Variants in MYO6 observed in about 807,000 individuals in gnomAD.
MYO6 encodes unconventional myosin-VI.
Under a neutral mutation model 178.7 loss-of-function variants are expected in MYO6, and 74 were observed. The observed-to-expected ratio is 0.41, with a 90% CI of 0.34 to 0.50. The LOEUF (loss-of-function observed/expected upper bound fraction) is 0.50, where lower values mean the gene tolerates loss of function less well. Among genes scored for constraint, MYO6 ranks in the 20% least tolerant of loss-of-function variants. The pLI is 0.09. For missense variants in MYO6, 1,330 were observed against 1,547.4 expected (o/e 0.86, Z 2.36); for synonymous variants, 477 against 504.6 (o/e 0.95, Z 0.73).
intron 18 of MYO6, among the ~76,000 whole-genome samples, chr6:75,867,903 G>A (rs185936186): frequency 4.5e-4 from 69 of 152,202 alleles, no homozygotes; most frequent in African/African-American, 1.6e-3. Context: ...GAAGTTATGA[G>A]TTTAATGAAT....
chr6:75,775,331 G>A (rs928331337), intron 1 of MYO6, among the ~76,000 whole-genome samples: 1 of 152,182 alleles, frequency 6.6e-6, no homozygotes. Flanking sequence ...AATTGTGCAG[G>A]TCACCTCTGG....
intron 5 of MYO6, among the ~76,000 whole-genome samples, chr6:75,830,825 T>G (rs570684099): frequency 6.6e-6 from 1 of 152,254 alleles, no homozygotes; most frequent in Non-Finnish European, 1.5e-5. Flanking sequence ...GAAAGCAGGA[T>G]ATAATAAAAG....
At chr6:75,859,023 T>A in intron 14 of MYO6, 30 bp downstream of exon 14, 3 of 1,365,030 alleles carry the variant, frequency 2.2e-6, no homozygotes, top group South Asian at 2.4e-5. Flanking sequence ...TAATTTAAGA[T>A]CTGCATAAAG....
At position 75,814,559 on chromosome 6, in the gene MYO6, G is replaced by A. The variant is rs1399970393; in HGVS notation, c.-47-2942G>A. Among the ~76,000 whole-genome samples, 8 of 152,190 alleles carry A rather than the reference G, an allele frequency of 5.3e-5. No homozygotes were observed. The East Asian group carries it at 1.2e-3, about 22-fold the overall frequency. ...TGTGAGCCACCGTTCCTGGCTGAGC[G>A]TAGGATTTGAAGATATTTCAGGATG... On this transcript the variant is annotated intron_variant, in intron 1 of 34. Transcript: ENST00000369977.
chr6:75,799,901 T>C (rs2150113478), intron 1 of MYO6, among the ~76,000 whole-genome samples: 1 of 152,320 alleles, frequency 6.6e-6, no homozygotes, highest in African/African-American at 2.4e-5. Flanking sequence ...ATTATCACTT[T>C]AGTTATTCCC....
intron 10 of MYO6, 35 bp downstream of exon 10, chr6:75,845,012 TA>T (rs755326528): frequency 9.7e-5 from 147 of 1,509,650 alleles, no homozygotes; most frequent in South Asian, 2.9e-4. Context: ...ATCTTTAACT[TA>T]AAAAAAAACT....
chr6:75,826,424 A>C (rs1283310529), intron 3 of MYO6, among the ~76,000 whole-genome samples: 1 of 152,184 alleles, frequency 6.6e-6, no homozygotes, highest in Non-Finnish European at 1.5e-5. Flanking sequence ...AGTAATTCCC[A>C]TGTCTGTGTA....
At chr6:75,906,330 G>A (rs186787620) in intron 30 of MYO6, among the ~76,000 whole-genome samples, 26 of 152,228 alleles carry the variant, frequency 1.7e-4, no homozygotes, top group African/African-American at 5.3e-4. Context: ...TATTATTACA[G>A]AAAAGAAATT....
chr6:75,830,792 C>T (rs932925863), intron 5 of MYO6, among the ~76,000 whole-genome samples: 1 of 152,156 alleles, frequency 6.6e-6, no homozygotes, highest in African/African-American at 2.4e-5. Context: ...TGCCTGTGTC[C>T]TCTAAGAGAT....
At chr6:75,774,218 T>C (rs1184261754) in intron 1 of MYO6, among the ~76,000 whole-genome samples, 10 of 152,222 alleles carry the variant, frequency 6.6e-5, no homozygotes, top group African/African-American at 1.7e-4. Flanking sequence ...TTTTACATAA[T>C]AAAATGTAAT....
intron 1 of MYO6, among the ~76,000 whole-genome samples, chr6:75,799,920 A>G (rs1165080599): frequency 6.6e-6 from 1 of 152,066 alleles, no homozygotes; most frequent in Non-Finnish European, 1.5e-5. Context: ...CCCTTCCCCC[A>G]ATAATTAATT....
chr6:75,893,910 T>G (rs1260287370), intron 28 of MYO6, among the ~76,000 whole-genome samples: 1 of 152,234 alleles, frequency 6.6e-6, no homozygotes, highest in Admixed American at 6.5e-5. Context: ...GCTCAGCTGC[T>G]GTTCTGTTCC....
chr6:75,918,059 A>G lies in MYO6; in HGVS notation c.*3047A>G, dbSNP rs79140243. On this transcript the variant is annotated 3_prime_UTR_variant, in exon 35 of 35. Transcript: ENST00000369977. ...TAGTTGTAGACTGAAAAATATATCA[A>G]AGCCTTTGCTGCAATCATATGTAAC... The G allele has an allele frequency of 6.6e-6, 1 of 152,234 alleles. No homozygotes were observed. The highest frequency in any genetic ancestry group is 1.9e-4 in the East Asian group (1 of 5,196). The allele number at this position is 152,234 out of a possible 1,614,324, so 9.4% of individuals were successfully genotyped here.
At chr6:75,831,970 C>T (rs1299836797) in intron 5 of MYO6, among the ~76,000 whole-genome samples, 1 of 151,870 alleles carries the variant, frequency 6.6e-6, no homozygotes, top group Non-Finnish European at 1.5e-5. Context: ...TTTGCATTCT[C>T]CCCTTAGAGT....
intron 30 of MYO6, among the ~76,000 whole-genome samples, chr6:75,906,256 A>G (rs1310591579): frequency 6.6e-6 from 1 of 152,226 alleles, no homozygotes; most frequent in Non-Finnish European, 1.5e-5. Flanking sequence ...TTGAGCTTAA[A>G]GTCTTGCAGC....
intron 1 of MYO6, among the ~76,000 whole-genome samples, chr6:75,817,209 G>T (rs1562200541): frequency 6.6e-6 from 1 of 151,848 alleles, no homozygotes; most frequent in Non-Finnish European, 1.5e-5. Context: ...GGAGGCTGAG[G>T]CAGGAGAATG....
At chr6:75,840,923 T>G (rs990400397) in intron 8 of MYO6, among the ~76,000 whole-genome samples, 1 of 152,210 alleles carries the variant, frequency 6.6e-6, no homozygotes, top group Admixed American at 6.5e-5. Flanking sequence ...ATGTAAGATA[T>G]TCTAGCACCT....
chr6:75,884,561 A>G (rs762475217), intron 23 of MYO6, among the ~76,000 whole-genome samples: 5 of 152,212 alleles, frequency 3.3e-5, no homozygotes, highest in Non-Finnish European at 5.9e-5. Context: ...GAATTGCAGT[A>G]GAGAGACAGT....
intron 16 of MYO6, among the ~76,000 whole-genome samples, chr6:75,864,388 C>A (rs1443016635): frequency 6.6e-6 from 1 of 152,218 alleles, no homozygotes; most frequent in Non-Finnish European, 1.5e-5. Flanking sequence ...CATTGACTTG[C>A]AATTCTTCTG....
Sources: allele counts gnomAD v4.1 joint callset (sites outside exome capture counted in the v4.1 genomes callset), GRCh38; gene constraint gnomAD v4.1.1; transcripts MANE v1.5; gene names NCBI Gene and HGNC (gene_info 2026-07-23, HGNC 2026-07-21).